FER: variants seen among roughly 807,000 people sequenced by gnomAD.
FER encodes tyrosine-protein kinase Fer.
A neutral mutation model predicts 111.0 loss-of-function variants in FER; 63 were observed. The observed-to-expected ratio is 0.57, with a 90% confidence interval of 0.46 to 0.70. The LOEUF (loss-of-function observed/expected upper bound fraction) is 0.70. Among genes scored for constraint, FER ranks in the 30% least tolerant of loss-of-function variants. The pLI, the probability that FER is intolerant of heterozygous loss-of-function variation, is 0.00. For missense variants in FER, 914 were observed against 954.0 expected (o/e 0.96, Z 0.55); for synonymous variants, 327 against 313.9 (o/e 1.04, Z -0.44).
At chr5:108,764,795 G>A (rs116378129) in intron 1 of FER, among the ~76,000 whole-genome samples, 2,585 of 152,250 alleles carry the variant, frequency 0.017, 74 homozygotes, top group African/African-American at 0.059. Flanking sequence ...AAACTAAGGG[G>A]ATATTTATTA....
chr5:109,158,312 A>T (rs1755633340), intron 17 of FER, among the ~76,000 whole-genome samples: 1 of 152,098 alleles, frequency 6.6e-6, no homozygotes, highest in South Asian at 2.1e-4. Context: ...GTTGAGGTAG[A>T]TGAATCACCT....
intron 16 of FER, among the ~76,000 whole-genome samples, chr5:109,096,542 A>G (rs969256077): frequency 6.6e-6 from 1 of 151,946 alleles, no homozygotes; most frequent in Non-Finnish European, 1.5e-5. Flanking sequence ...AAGGCTGCCA[A>G]TCTTCACGAT....
chr5:108,788,077 G>T (rs1754943844), intron 2 of FER, among the ~76,000 whole-genome samples: 1 of 152,162 alleles, frequency 6.6e-6, no homozygotes, highest in Non-Finnish European at 1.5e-5. Context: ...CCAGAGCTTG[G>T]GGCTACCTGA....
chr5:109,092,436 A>G (rs1746928358), intron 16 of FER, among the ~76,000 whole-genome samples: 1 of 152,092 alleles, frequency 6.6e-6, no homozygotes, highest in African/African-American at 2.4e-5. Flanking sequence ...TAAAAAACCC[A>G]ATTAAAAAAT....
At chr5:108,890,458 C>A (rs1045407692) in intron 9 of FER, among the ~76,000 whole-genome samples, 4 of 152,006 alleles carry the variant, frequency 2.6e-5, no homozygotes, top group Non-Finnish European at 5.9e-5. Flanking sequence ...CTGTTTCATG[C>A]CTGTCTCCTA....
intron 16 of FER, among the ~76,000 whole-genome samples, chr5:109,094,473 A>C (rs1369736642): frequency 6.6e-5 from 10 of 152,120 alleles, no homozygotes; most frequent in Non-Finnish European, 1.5e-4. Context: ...CTGTAATGCA[A>C]ATATTCCAAA....
chr5:108,899,650 A>T (rs1423018916), intron 10 of FER, among the ~76,000 whole-genome samples: 1 of 151,926 alleles, frequency 6.6e-6, no homozygotes, highest in Non-Finnish European at 1.5e-5. Flanking sequence ...ACAAAAAAAA[A>T]AAAATTAGCT....
intron 10 of FER, among the ~76,000 whole-genome samples, chr5:108,941,498 A>G (rs944149598): frequency 1.2e-4 from 19 of 152,156 alleles, no homozygotes; most frequent in African/African-American, 4.6e-4. Context: ...TTAGGGATGT[A>G]ATACTTTCAC....
intron 13 of FER, among the ~76,000 whole-genome samples, chr5:109,014,259 A>G (rs986228731): frequency 4.6e-5 from 7 of 152,086 alleles, no homozygotes; most frequent in African/African-American, 1.4e-4. Context: ...TAATTTTTGT[A>G]TGAGGTGTCA....
intron 11 of FER, among the ~76,000 whole-genome samples, chr5:108,949,501 C>G (rs771453077): frequency 1.3e-5 from 2 of 151,996 alleles, no homozygotes; most frequent in Non-Finnish European, 2.9e-5. Context: ...GAATCACTTG[C>G]AGTATTACAT....
intron 16 of FER, among the ~76,000 whole-genome samples, chr5:109,065,146 CAGTG>C (rs1774928056): frequency 6.6e-6 from 1 of 152,036 alleles, no homozygotes; most frequent in African/African-American, 2.4e-5. Context: ...ATGAAACTAA[CAGTG>C]AGTATCAGTA....
intron 13 of FER, among the ~76,000 whole-genome samples, chr5:109,018,003 C>G (rs1186356111): frequency 6.6e-6 from 1 of 151,808 alleles, no homozygotes; most frequent in Admixed American, 6.6e-5. Context: ...TTTCTAACAT[C>G]TTACTTTGTA....
chr5:108,854,415 A>G (rs1762806671), intron 5 of FER, among the ~76,000 whole-genome samples: 1 of 152,188 alleles, frequency 6.6e-6, no homozygotes, highest in Non-Finnish European at 1.5e-5. Context: ...TAGACTGCAA[A>G]TTGTTTACAG....
At chr5:109,085,190 A>G (rs1777425828) in intron 16 of FER, among the ~76,000 whole-genome samples, 1 of 151,756 alleles carries the variant, frequency 6.6e-6, no homozygotes, top group African/African-American at 2.4e-5. Context: ...AAGCCTTCCA[A>G]TTTATGGACT....
chr5:108,888,231 A>G (rs1006499192), intron 9 of FER, among the ~76,000 whole-genome samples: 1 of 151,646 alleles, frequency 6.6e-6, no homozygotes, highest in Non-Finnish European at 1.5e-5. Context: ...TATGTGATTT[A>G]AAAAAAATGT....
chr5:109,012,405 CAATT>C (rs1766403384), intron 13 of FER, among the ~76,000 whole-genome samples: 1 of 152,142 alleles, frequency 6.6e-6, no homozygotes, highest in Non-Finnish European at 1.5e-5. Flanking sequence ...TCACGTGTCA[CAATT>C]AAAGTTTTAT....
chr5:108,975,417 T>C (rs983415415), intron 13 of FER, among the ~76,000 whole-genome samples: 42 of 152,004 alleles, frequency 2.8e-4, no homozygotes, highest in African/African-American at 1.0e-3. Context: ...TAAAATAAAA[T>C]AAAAATAAAT....
In FER at chr5:108,845,049, T is replaced by C. The variant is rs1433588220; in HGVS notation, c.481+9242T>C. On this transcript the variant is annotated intron_variant, in intron 5 of 19. Transcript: ENST00000281092. ...ATATATATATATATATACATATATA[T>C]ATATATATATATATATATACACACA... Among the ~76,000 whole-genome samples, 416 of 46,606 alleles carry C rather than the reference T, an allele frequency of 8.9e-3. 9 individuals are homozygous for C. Among genetic ancestry groups the C allele is most frequent in the African/African-American group, 0.04 (402 of 10,102 alleles). 30.6% of individuals were successfully genotyped at this position (46,606 alleles called of 152,430 possible).
intron 5 of FER, among the ~76,000 whole-genome samples, chr5:108,861,186 T>C (rs1478367102): frequency 6.6e-6 from 1 of 152,240 alleles, no homozygotes; most frequent in East Asian, 1.9e-4. Context: ...GTAGGCACTT[T>C]ATTTTTAGAA....
Sources: gnomAD v4.1 joint callset for allele counts (sites outside exome capture counted in the v4.1 genomes callset) on GRCh38, gnomAD v4.1.1 for gene constraint, MANE v1.5 for transcripts, NCBI Gene and HGNC (gene_info 2026-07-23, HGNC 2026-07-21) for gene names.